BOC: variants seen among roughly 807,000 people sequenced by gnomAD.
The protein encoded by BOC is BOC cell adhesion associated, oncogene regulated.
BOC carries 76 observed loss-of-function variants against 112.0 expected under a neutral mutation model. The ratio of observed to expected loss-of-function variants is 0.68; its 90% CI spans 0.56 to 0.82. The LOEUF (loss-of-function observed/expected upper bound fraction) is 0.82. Ranked by LOEUF, BOC falls within the 40% of genes least tolerant of loss-of-function variation. BOC has a pLI of 0.00. For missense variants in BOC, 1,309 were observed against 1,511.7 expected (o/e 0.87, Z 2.22); for synonymous variants, 580 against 599.8 (o/e 0.97, Z 0.48).
chr3:113,254,354 T>G (rs1385438221), intron 4 of BOC, among the ~76,000 whole-genome samples: 1 of 151,258 alleles, frequency 6.6e-6, no homozygotes, highest in African/African-American at 2.4e-5. Flanking sequence ...AAAGAGGGAG[T>G]TGGTGGAGTG....
rs542126169 is a variant in BOC at position 113,213,290 on chromosome 3, A to ACCTGCAGATGCACTGTGCCC, written c.-170+1275_-170+1294dup. ...TATTTTGATTTCAGGCCCTTGTGCCACCTGCAGATGCACTGTGCCCAGCAC... is the reference window on the plus strand; with the variant it reads ...TATTTTGATTTCAGGCCCTTGTGCCACCTGCAGATGCACTGTGCCCCCTGCAGATGCACTGTGCCCAGCAC... On this transcript the variant is annotated intron_variant, in intron 1 of 19. Coordinates refer to ENST00000682979, the MANE Select transcript of BOC (RefSeq NM_001378074.1). 9.1e-4 allele frequency among the ~76,000 whole-genome samples: 139 copies of ACCTGCAGATGCACTGTGCCC among 152,308 alleles called. 2 individuals carry two copies. The Middle Eastern group carries it at 0.014, about 15-fold the overall frequency.
chr3:113,258,954 A>G (rs1157109301), intron 4 of BOC, among the ~76,000 whole-genome samples: 1 of 152,260 alleles, frequency 6.6e-6, no homozygotes, highest in African/African-American at 2.4e-5. Context: ...AAGTTACATC[A>G]ACGCTTTCTG....
At chr3:113,229,155 A>G (rs1942180986) in intron 2 of BOC, among the ~76,000 whole-genome samples, 1 of 152,114 alleles carries the variant, frequency 6.6e-6, no homozygotes, top group Admixed American at 6.5e-5. Context: ...CAAACTGAAA[A>G]TCGACTCCTT....
At position 113,279,872 on chromosome 3, in the gene BOC, G is replaced by A; in HGVS notation, c.2072G>A (p.Ser691Asn). The A allele has an allele frequency of 6.2e-7, 1 of 1,613,494 alleles. No homozygotes were observed. Among genetic ancestry groups the A allele is most frequent in the Non-Finnish European group, 8.5e-7 (1 of 1,179,712 alleles). ...RVRALNMLGE[S>N]EPSAPSRPYV... Reference sequence around the variant, plus strand: ...CGGGCTCTGAACATGCTGGGGGAGAGCGAGCCCAGCGCCCCCTCTCGGCCC... The same window carrying A: ...CGGGCTCTGAACATGCTGGGGGAGAACGAGCCCAGCGCCCCCTCTCGGCCC... The change falls in exon 13 of 20, where the codon AGC becomes AAC. Residue 691 changes from serine to asparagine, a missense_variant. Coordinates refer to ENST00000682979, the MANE Select transcript of BOC (RefSeq NM_001378074.1).
intron 4 of BOC, among the ~76,000 whole-genome samples, chr3:113,260,674 GAAC>G (rs1285088804): frequency 8.6e-6 from 1 of 115,672 alleles, no homozygotes; most frequent in Non-Finnish European, 1.8e-5. Context: ...GAATAGAACA[GAAC>G]AGAACAGAAC....
At chr3:113,258,728 G>A (rs1946497083) in intron 4 of BOC, among the ~76,000 whole-genome samples, 1 of 152,216 alleles carries the variant, frequency 6.6e-6, no homozygotes, top group African/African-American at 2.4e-5. Context: ...AGCCTGCTTT[G>A]GCTGGGAGAG....
intron 6 of BOC, 98 bp from the exon 7 acceptor site, chr3:113,272,312 G>A (rs1948202763): frequency 1.5e-6 from 2 of 1,351,974 alleles, no homozygotes; most frequent in Non-Finnish European, 1.0e-6. Flanking sequence ...ATGGCTGTTT[G>A]ATCCCATCTC....
intron 2 of BOC, among the ~76,000 whole-genome samples, chr3:113,237,278 G>A (rs1252741639): frequency 6.6e-6 from 1 of 152,162 alleles, no homozygotes; most frequent in Non-Finnish European, 1.5e-5. Flanking sequence ...GGTAAAACTA[G>A]GTGCCTTTCT....
chr3:113,257,821 G>A (rs1455853611), intron 4 of BOC, among the ~76,000 whole-genome samples: 1 of 152,120 alleles, frequency 6.6e-6, no homozygotes, highest in African/African-American at 2.4e-5. Context: ...CAAAATTCAT[G>A]AGTCCCACTT....
chr3:113,286,222 G>A (rs1456881343), intron 19 of BOC, among the ~76,000 whole-genome samples: 2 of 152,126 alleles, frequency 1.3e-5, no homozygotes, highest in Non-Finnish European at 2.9e-5. Flanking sequence ...TCTGTCTCTA[G>A]GAGATTAAAT....
chr3:113,237,521 C>T (rs565110036), intron 2 of BOC, among the ~76,000 whole-genome samples: 5 of 152,224 alleles, frequency 3.3e-5, no homozygotes, highest in African/African-American at 1.2e-4. Context: ...CGCCTGAAGC[C>T]ACAAGCTTAG....
At chr3:113,260,711 ACAGAACAGAAAGAAC>A (rs1279495505) in intron 4 of BOC, among the ~76,000 whole-genome samples, 30 of 127,202 alleles carry the variant, frequency 2.4e-4, no homozygotes, top group Non-Finnish European at 3.2e-4. Flanking sequence ...ACAGAACAGA[ACAGAACAGAAAGAAC>A]AGAACAGAAC....
intron 2 of BOC, among the ~76,000 whole-genome samples, chr3:113,221,954 G>T (rs61131968): frequency 0.13 from 20,089 of 152,086 alleles, 1,781 homozygotes; most frequent in South Asian, 0.3. Flanking sequence ...CCTCCCAGGG[G>T]CTGTGTGCTT....
chr3:113,279,562 AC>A, intron 12 of BOC, 107 bp downstream of exon 12: 1 of 1,097,686 alleles, frequency 9.1e-7, no homozygotes, highest in Non-Finnish European at 1.3e-6. Flanking sequence ...CCAGGCCCCC[AC>A]CCACCAGCAT....
chr3:113,251,068 GA>G, intron 4 of BOC: 1 of 615,868 alleles, frequency 1.6e-6, no homozygotes. Flanking sequence ...TGTCTACAGA[GA>G]GGGGAATTGG....
intron 2 of BOC, among the ~76,000 whole-genome samples, chr3:113,227,884 T>C (rs1191049997): frequency 6.6e-6 from 1 of 152,094 alleles, no homozygotes; most frequent in Non-Finnish European, 1.5e-5. Context: ...TTTTTTTCTT[T>C]AGTATGATTT....
At chr3:113,238,003 T>G in intron 2 of BOC, among the ~76,000 whole-genome samples, 1 of 152,206 alleles carries the variant, frequency 6.6e-6, no homozygotes, top group East Asian at 1.9e-4. Context: ...ATAAGAGGTA[T>G]ATGACAGACA....
At position 113,240,708 on chromosome 3, in the gene BOC, G is replaced by A. The variant is rs142069043; in HGVS notation, c.-81-9014G>A. On this transcript the variant is annotated intron_variant, in intron 2 of 19. Transcript: ENST00000682979. The stretch of plus-strand genomic sequence containing the variant: ...CAACTTATAAAAACTATCCTTTGAG[G>A]AATTCTATCATATCTTGGTTATGAA... Among the ~76,000 whole-genome samples, 281 of 152,266 alleles carry A rather than the reference G, an allele frequency of 1.8e-3. 2 individuals carry two copies. Among genetic ancestry groups the A allele is most frequent in the African/African-American group, 6.5e-3 (270 of 41,542 alleles).
intron 2 of BOC, among the ~76,000 whole-genome samples, chr3:113,246,556 A>G (rs1350815076): frequency 6.6e-6 from 1 of 152,220 alleles, no homozygotes; most frequent in Admixed American, 6.5e-5. Context: ...CTCACTAGGT[A>G]ACTTGGTTCA....
Sources: gnomAD v4.1 joint callset for allele counts (sites outside exome capture counted in the v4.1 genomes callset) on GRCh38, gnomAD v4.1.1 for gene constraint, MANE v1.5 for transcripts, NCBI Gene and HGNC (gene_info 2026-07-23, HGNC 2026-07-21) for gene names.